Variants in PDE1A observed in about 807,000 individuals in gnomAD.
PDE1A encodes phosphodiesterase 1A, also known as dual specificity calcium/calmodulin-dependent 3',5'-cyclic nucleotide phosphodiesterase 1A.
In PDE1A, 35 loss-of-function variants were observed where a neutral mutation model predicts 61.7. The ratio of observed to expected loss-of-function variants is 0.57; its 90% CI spans 0.43 to 0.75. PDE1A has a LOEUF of 0.75. Ranked by LOEUF, PDE1A falls within the 30% of genes least tolerant of loss-of-function variation. PDE1A has a pLI of 0.00. For missense variants in PDE1A, 597 were observed against 630.6 expected, an observed-to-expected ratio of 0.95 and a Z score of 0.57; for synonymous variants, 232 against 213.2, an observed-to-expected ratio of 1.09 and a Z score of -0.77.
chr2:182,358,695 C>T (rs1004923217), intron 1 of PDE1A, among the ~76,000 whole-genome samples: 5 of 152,076 alleles, frequency 3.3e-5, no homozygotes, highest in East Asian at 1.9e-4. Context: ...GCTTACTAAG[C>T]GACAGGCAGG....
At chr2:182,269,357 G>A (rs1692854272) in intron 1 of PDE1A, among the ~76,000 whole-genome samples, 1 of 151,894 alleles carries the variant, frequency 6.6e-6, no homozygotes, top group African/African-American at 2.4e-5. Flanking sequence ...GTGTGGTGGT[G>A]CATGCCTGTA....
chr2:182,657,040 T>C, the PDE1A span, among the ~76,000 whole-genome samples: 3 of 152,122 alleles, frequency 2.0e-5, no homozygotes, highest in East Asian at 1.9e-4. Context: ...CTAGCCAACA[T>C]GGTGAAACCC....
At chr2:182,609,795 G>C in the PDE1A span, among the ~76,000 whole-genome samples, 1 of 151,950 alleles carries the variant, frequency 6.6e-6, no homozygotes, top group Non-Finnish European at 1.5e-5. Flanking sequence ...CCATTCCTAG[G>C]AAAAAGAAAC....
At chr2:182,605,360 AGTCATTCCAGGCAGAGGT>A in the PDE1A span, among the ~76,000 whole-genome samples, 2 of 152,140 alleles carry the variant, frequency 1.3e-5, no homozygotes, top group Admixed American at 6.5e-5. Flanking sequence ...TGTAAACAGA[AGTCATTCCAGGCAGAGGT>A]GTCATTCCAG....
chr2:182,698,093 T>C, the PDE1A span, among the ~76,000 whole-genome samples: 1 of 152,196 alleles, frequency 6.6e-6, no homozygotes, highest in African/African-American at 2.4e-5. Context: ...AAGGTTAGCA[T>C]TTTCTCCTAG....
chr2:182,191,300 TG>T (rs1358584021), intron 10 of PDE1A, among the ~76,000 whole-genome samples: 1 of 151,996 alleles, frequency 6.6e-6, no homozygotes, highest in Non-Finnish European at 1.5e-5. Context: ...ATGATCTGGG[TG>T]GGGGAAAGAT....
At chr2:182,290,301 G>A (rs986027629) in intron 1 of PDE1A, among the ~76,000 whole-genome samples, 3 of 151,966 alleles carry the variant, frequency 2.0e-5, no homozygotes, top group Non-Finnish European at 4.4e-5. Context: ...CATCTTCTGG[G>A]TAAGTCATCT....
chr2:182,271,013 T>C (rs1692978568), intron 1 of PDE1A, among the ~76,000 whole-genome samples: 1 of 151,962 alleles, frequency 6.6e-6, no homozygotes, highest in African/African-American at 2.4e-5. Context: ...TAAAGCTCCA[T>C]GATACCTTTA....
chr2:182,489,266 A>T (rs766284013), intron 2 of PDE1A, among the ~76,000 whole-genome samples: 1 of 152,216 alleles, frequency 6.6e-6, no homozygotes, highest in Non-Finnish European at 1.5e-5. Context: ...GGATGGAGCC[A>T]GTGTGTGAGA....
At chr2:182,451,720 A>G (rs151337022) in intron 2 of PDE1A, among the ~76,000 whole-genome samples, 1 of 152,194 alleles carries the variant, frequency 6.6e-6, no homozygotes, top group Non-Finnish European at 1.5e-5. Context: ...TGATGGTACC[A>G]AGAACACCGA....
chr2:182,440,404 T>C (rs977481299), intron 2 of PDE1A, among the ~76,000 whole-genome samples: 1 of 152,048 alleles, frequency 6.6e-6, no homozygotes, highest in African/African-American at 2.4e-5. Context: ...AGAAAGTAAC[T>C]GTGGCAGACC....
intron 13 of PDE1A, among the ~76,000 whole-genome samples, chr2:182,156,916 A>C (rs1691112990): frequency 6.6e-6 from 1 of 151,920 alleles, no homozygotes; most frequent in Admixed American, 6.6e-5. Context: ...ATCTATGCTT[A>C]AAAAATCAAA....
intron 3 of PDE1A, among the ~76,000 whole-genome samples, chr2:182,236,012 T>C (rs920185734): frequency 2.6e-5 from 4 of 152,240 alleles, no homozygotes; most frequent in African/African-American, 9.6e-5. Context: ...AAGTTCAGAA[T>C]GAAAATACTG....
chr2:182,193,724 T>C (rs1225342662), intron 10 of PDE1A, among the ~76,000 whole-genome samples: 2 of 152,164 alleles, frequency 1.3e-5, no homozygotes, highest in African/African-American at 4.8e-5. Flanking sequence ...GATATAACTA[T>C]ATTTCTGTGA....
intron 2 of PDE1A, among the ~76,000 whole-genome samples, chr2:182,251,256 A>T (rs1422194502): frequency 6.6e-6 from 1 of 152,156 alleles, no homozygotes; most frequent in African/African-American, 2.4e-5. Flanking sequence ...CGTGAGACTT[A>T]GTTCCTTTAT....
the PDE1A span, among the ~76,000 whole-genome samples, chr2:182,583,937 T>C: frequency 2.0e-5 from 3 of 152,308 alleles, no homozygotes; most frequent in African/African-American, 7.2e-5. Flanking sequence ...TTAACAAGAA[T>C]TGGGTCACAA....
At chr2:182,347,384 T>G (rs1282419837) in intron 1 of PDE1A, among the ~76,000 whole-genome samples, 1 of 152,160 alleles carries the variant, frequency 6.6e-6, no homozygotes, top group South Asian at 2.1e-4. Flanking sequence ...TCTTCGGAGC[T>G]TTCAGTATAA....
At chr2:182,269,185 T>A (rs1302175656) in intron 1 of PDE1A, among the ~76,000 whole-genome samples, 2 of 152,136 alleles carry the variant, frequency 1.3e-5, no homozygotes, top group South Asian at 2.1e-4. Context: ...AAATGAAATT[T>A]GTAGCTAAAA....
At chr2:182,539,879 C>A in the PDE1A span, among the ~76,000 whole-genome samples, 4 of 152,204 alleles carry the variant, frequency 2.6e-5, no homozygotes, top group Non-Finnish European at 4.4e-5. Context: ...CAGCTATGCT[C>A]AGGAAGTCAT....
Sources: allele counts gnomAD v4.1 joint callset (sites outside exome capture counted in the v4.1 genomes callset), GRCh38; gene constraint gnomAD v4.1.1; transcripts MANE v1.5; gene names NCBI Gene and HGNC (gene_info 2026-07-23, HGNC 2026-07-21).